Variants in RNF180 observed in about 807,000 individuals in gnomAD.
RNF180 encodes the protein ring finger protein 180, also known as E3 ubiquitin-protein ligase RNF180.
RNF180 carries 38 observed loss-of-function variants against 59.2 expected under a neutral mutation model. The observed-to-expected ratio is 0.64, with a 90% CI of 0.50 to 0.84. RNF180 has a LOEUF of 0.84. Ranked by LOEUF, RNF180 falls within the 40% of genes least tolerant of loss-of-function variation. The pLI, the probability that RNF180 is intolerant of heterozygous loss-of-function variation, is 0.00. For synonymous variants in RNF180, 262 were observed against 240.3 expected, an observed-to-expected ratio of 1.09 and a Z score of -0.84; for missense variants, 705 against 700.9, an observed-to-expected ratio of 1.01 and a Z score of -0.07.
At chr5:64,340,865 C>T (rs1394123959) in intron 7 of RNF180, among the ~76,000 whole-genome samples, 1 of 152,050 alleles carries the variant, frequency 6.6e-6, no homozygotes, top group African/African-American at 2.4e-5. Context: ...ACTATCACCA[C>T]TTCATAACTT....
chr5:64,361,549 T>C (rs540463624), intron 7 of RNF180, among the ~76,000 whole-genome samples: 114 of 151,652 alleles, frequency 7.5e-4, no homozygotes, highest in African/African-American at 2.5e-3. Flanking sequence ...TGCCTTTTTT[T>C]CACTGGATTA....
At chr5:64,352,543 C>G (rs1022706024) in intron 7 of RNF180, among the ~76,000 whole-genome samples, 1 of 152,014 alleles carries the variant, frequency 6.6e-6, no homozygotes, top group African/African-American at 2.4e-5. Flanking sequence ...GCATTTAGTG[C>G]TATAAATTTC....
intron 5 of RNF180, among the ~76,000 whole-genome samples, chr5:64,306,964 T>TA (rs757411435): frequency 1.3e-4 from 20 of 149,190 alleles, no homozygotes; most frequent in Admixed American, 2.0e-4. Context: ...CCCTAAAACT[T>TA]AAAGTATAAT....
chr5:64,314,126 TG>T (rs753813085), intron 5 of RNF180, among the ~76,000 whole-genome samples: 6 of 152,168 alleles, frequency 3.9e-5, no homozygotes, highest in Non-Finnish European at 7.4e-5. Flanking sequence ...ACAAAGTTTT[TG>T]TACATTGAAC....
chr5:64,298,915 T>C (rs1446476963), intron 5 of RNF180, among the ~76,000 whole-genome samples: 2 of 152,012 alleles, frequency 1.3e-5, no homozygotes, highest in African/African-American at 2.4e-5. Context: ...TTTGGTCTGC[T>C]AGGCTTAGTG....
intron 5 of RNF180, among the ~76,000 whole-genome samples, chr5:64,225,552 C>T (rs1741656178): frequency 7.2e-6 from 1 of 138,744 alleles, no homozygotes; most frequent in African/African-American, 2.8e-5. Context: ...AGGAGCGCCT[C>T]TGCCTGGCTG....
chr5:64,304,016 A>T (rs552104016), intron 5 of RNF180, among the ~76,000 whole-genome samples: 5 of 151,770 alleles, frequency 3.3e-5, no homozygotes, highest in African/African-American at 1.2e-4. Flanking sequence ...CTTAAGAGTT[A>T]TGCTAAATCT....
chr5:64,257,988 C>G (rs1744085484), intron 5 of RNF180, among the ~76,000 whole-genome samples: 1 of 152,158 alleles, frequency 6.6e-6, no homozygotes, highest in Admixed American at 6.5e-5. Context: ...TGATGACATC[C>G]TAATTTGGCC....
intron 1 of RNF180, among the ~76,000 whole-genome samples, chr5:64,197,216 G>A (rs966444017): frequency 6.6e-6 from 1 of 152,138 alleles, no homozygotes; most frequent in Non-Finnish European, 1.5e-5. Flanking sequence ...TTATAAATAT[G>A]TTTCTCCATA....
intron 1 of RNF180, among the ~76,000 whole-genome samples, chr5:64,188,155 A>G (rs962639081): frequency 2.0e-5 from 3 of 152,178 alleles, no homozygotes; most frequent in Non-Finnish European, 4.4e-5. Flanking sequence ...TGTTCTGCTC[A>G]TGTTAACAGC....
chr5:64,275,096 C>T (rs1460419348), intron 5 of RNF180, among the ~76,000 whole-genome samples: 1 of 151,604 alleles, frequency 6.6e-6, no homozygotes, highest in Admixed American at 6.6e-5. Context: ...ATTCTTTTGA[C>T]ACAACAATGA....
At chr5:64,369,137 AT>A (rs1746561735) in intron 7 of RNF180, among the ~76,000 whole-genome samples, 1 of 152,086 alleles carries the variant, frequency 6.6e-6, no homozygotes, top group South Asian at 2.1e-4. Flanking sequence ...GCCATAAAAA[AT>A]GATGAGTTCA....
intron 5 of RNF180, among the ~76,000 whole-genome samples, chr5:64,319,849 A>G (rs1744254419): frequency 6.6e-6 from 1 of 152,348 alleles, no homozygotes; most frequent in African/African-American, 2.4e-5. Flanking sequence ...GTACAGTTGA[A>G]TCTTTATTTT....
intron 5 of RNF180, among the ~76,000 whole-genome samples, chr5:64,218,325 A>G (rs60323269): frequency 0.021 from 3,233 of 152,286 alleles, 89 homozygotes; most frequent in African/African-American, 0.053. Flanking sequence ...TAAGGGGTAT[A>G]TTATTTTACA....
chr5:64,186,373 C>T (rs1473149078), intron 1 of RNF180, among the ~76,000 whole-genome samples: 1 of 151,900 alleles, frequency 6.6e-6, no homozygotes, highest in Non-Finnish European at 1.5e-5. Context: ...TATGTTTTAG[C>T]CCGTATTTCC....
chr5:64,350,011 A>T (rs999336085), intron 7 of RNF180, among the ~76,000 whole-genome samples: 1 of 152,132 alleles, frequency 6.6e-6, no homozygotes, highest in African/African-American at 2.4e-5. Flanking sequence ...ACAATGGTTG[A>T]ACTAGTTTAC....
In RNF180 at chr5:64,233,871, A is replaced by G. The variant is rs146045436; in HGVS notation, c.1227+16475A>G. 3.5e-3 allele frequency among the ~76,000 whole-genome samples: 530 copies of G among 152,344 alleles called. 2 individuals carry two copies. Among genetic ancestry groups the G allele is most frequent in the African/African-American group, 0.012 (480 of 41,580 alleles). ...CTATGCCTGGTTCTTCTTCACTGCC[A>G]CTAGAATTGAGACCCACTGCCCTAA... On this transcript the variant is annotated intron_variant, in intron 5 of 7. Coordinates refer to ENST00000389100, the MANE Select transcript of RNF180 (RefSeq NM_001113561.2).
chr5:64,307,761 G>A (rs539964680), intron 5 of RNF180, among the ~76,000 whole-genome samples: 10 of 151,802 alleles, frequency 6.6e-5, no homozygotes, highest in Admixed American at 3.9e-4. Flanking sequence ...CAATTTTCAC[G>A]TAATGTATTG....
chr5:64,168,695 A>G lies in RNF180; in HGVS notation c.-1+2742A>G, dbSNP rs150049306. Among the ~76,000 whole-genome samples the G allele has an allele frequency of 7.0e-3, 1,069 of 152,308 alleles. 13 individuals carry two copies. The highest frequency in any genetic ancestry group is 0.023 in the African/African-American group (949 of 41,586). On this transcript the variant is annotated intron_variant, in intron 1 of 7. Transcript: ENST00000389100. ...TTTGAATAATAAAATGTGGCTCCAT[A>G]TTGTATGTTTTGAGTGTAATACAGC...
Sources: allele counts gnomAD v4.1 joint callset (sites outside exome capture counted in the v4.1 genomes callset), GRCh38; gene constraint gnomAD v4.1.1; transcripts MANE v1.5; gene names NCBI Gene and HGNC (gene_info 2026-07-23, HGNC 2026-07-21).